Variants in INO80D observed in about 807,000 individuals in gnomAD.
INO80D encodes INO80 complex subunit D.
A neutral mutation model predicts 87.6 loss-of-function variants in INO80D; 21 were observed. The observed-to-expected ratio is 0.24, with a 90% confidence interval of 0.17 to 0.35. The LOEUF (loss-of-function observed/expected upper bound fraction) is 0.35. Ranked by LOEUF, INO80D falls within the 10% of genes least tolerant of loss-of-function variation. INO80D has a pLI of 1.00. For missense variants in INO80D, 982 were observed against 1,280.7 expected (o/e 0.77, Z 3.56); for synonymous variants, 440 against 491.0 (o/e 0.90, Z 1.37).
At chr2:206,065,040 T>G (rs1261562094) in intron 1 of INO80D, among the ~76,000 whole-genome samples, 2 of 152,074 alleles carry the variant, frequency 1.3e-5, no homozygotes, top group Non-Finnish European at 2.9e-5. Flanking sequence ...AGAATGAAAC[T>G]AGACCCCCAC....
intron 8 of INO80D, among the ~76,000 whole-genome samples, chr2:206,016,434 T>G (rs1047020538): frequency 6.6e-6 from 1 of 152,212 alleles, no homozygotes; most frequent in Non-Finnish European, 1.5e-5. Context: ...TTTTACAGGC[T>G]CATAGGCAGA....
At chr2:206,027,973 A>G (rs1382580171) in intron 6 of INO80D, 138 bp downstream of exon 6, 22 of 501,552 alleles carry the variant, frequency 4.4e-5, no homozygotes, top group South Asian at 3.4e-4. Flanking sequence ...CACTTTAATA[A>G]AGCAAGAAAA....
At chr2:206,084,456 T>C (rs1378543949) in intron 1 of INO80D, 3 of 152,184 alleles carry the variant, frequency 2.0e-5, no homozygotes, top group African/African-American at 4.8e-5. Context: ...ATCCTTAAAC[T>C]GTAGACCTTG....
intron 4 of INO80D, among the ~76,000 whole-genome samples, chr2:206,054,598 C>T (rs1222235316): frequency 2.0e-5 from 3 of 150,240 alleles, no homozygotes; most frequent in Non-Finnish European, 4.5e-5. Context: ...ACTGCAGCCT[C>T]CACCTCCCAG....
chr2:206,060,575 T>G (rs1689661670), intron 3 of INO80D, among the ~76,000 whole-genome samples: 1 of 151,864 alleles, frequency 6.6e-6, no homozygotes. Context: ...TTTTTTTTTT[T>G]TTGAGACGGA....
intron 4 of INO80D, among the ~76,000 whole-genome samples, chr2:206,053,789 C>T (rs1689436856): frequency 1.3e-5 from 2 of 151,560 alleles, no homozygotes; most frequent in African/African-American, 4.8e-5. Flanking sequence ...CTCTTGATTT[C>T]TTTTTTCCAC....
At chr2:206,007,478 C>T (rs1489006398) in intron 9 of INO80D, 37 bp from the exon 10 acceptor site, 4 of 1,571,710 alleles carry the variant, frequency 2.5e-6, no homozygotes, top group East Asian at 2.3e-5. Flanking sequence ...ATAACTCCCC[C>T]ATTATCTTCA....
Position 206,009,804 on chromosome 2 carries a change from GAATA to G in INO80D, c.1543-14_1543-11del. The G allele has an allele frequency of 6.3e-7, 1 of 1,589,042 alleles. No individual in the cohort carries two copies. Among genetic ancestry groups the G allele is most frequent in the Non-Finnish European group, 8.6e-7 (1 of 1,165,474 alleles). ...CTCTCAAGAAATTATCCTTTGGAAT[GAATA>G]AATAGGCTTTTAAATTGAGATTATC... On this transcript the variant is annotated splice_polypyrimidine_tract_variant and intron_variant, in intron 8 of 10. Coordinates refer to ENST00000403263, the MANE Select transcript of INO80D (RefSeq NM_017759.5).
chr2:206,057,558 C>T (rs1034829746), intron 3 of INO80D, among the ~76,000 whole-genome samples: 8 of 152,028 alleles, frequency 5.3e-5, no homozygotes, highest in African/African-American at 1.9e-4. Flanking sequence ...CTGCAGTAGG[C>T]GCTAAAATAA....
intron 1 of INO80D, 134 bp from the exon 2 acceptor site, chr2:206,063,378 G>T: frequency 2.7e-6 from 1 of 373,656 alleles, no homozygotes; most frequent in Non-Finnish European, 4.7e-6. Flanking sequence ...CCAATAACGA[G>T]GTTAAATAAG....
chr2:206,054,029 A>C (rs1219837918), intron 4 of INO80D, among the ~76,000 whole-genome samples: 1 of 151,988 alleles, frequency 6.6e-6, no homozygotes, highest in East Asian at 1.9e-4. Flanking sequence ...TAGTAGAGAC[A>C]GGGTTTTGCC....
intron 5 of INO80D, chr2:206,040,510 G>A (rs549248583): frequency 2.2e-4 from 48 of 218,598 alleles, no homozygotes; most frequent in Non-Finnish European, 3.9e-4. Context: ...AGCTGTCATC[G>A]TAAAGAACAT....
intron 1 of INO80D, among the ~76,000 whole-genome samples, chr2:206,073,344 T>A (rs185133454): frequency 6.6e-6 from 1 of 152,320 alleles, no homozygotes; most frequent in African/African-American, 2.4e-5. Flanking sequence ...TGGCGTTTTT[T>A]ACCCTGATTT....
Position 206,005,019 on chromosome 2 carries a change from G to C in INO80D, c.2433C>G (p.Thr811=), listed in dbSNP as rs763348378. The change falls in exon 11 of 11, where the codon ACC becomes ACG. Residue 811 remains threonine, a synonymous_variant. Coordinates refer to ENST00000403263, the MANE Select transcript of INO80D (RefSeq NM_017759.5). The part of the protein sequence containing the change: ...QLLSKADDLI[T]SRQQYSSDHS... Reference sequence around the variant, plus strand: ...GATCACTGCTGTATTGCTGTCGTGAGGTGATTAGGTCATCTGCCTTGCTCA... The same window carrying C: ...GATCACTGCTGTATTGCTGTCGTGACGTGATTAGGTCATCTGCCTTGCTCA... The C allele has an allele frequency of 1.9e-6, 3 of 1,614,018 alleles. No homozygotes were observed. Among genetic ancestry groups the C allele is most frequent in the Non-Finnish European group, 2.5e-6 (3 of 1,179,888 alleles).
chr2:206,005,068 T>C lies in INO80D; in HGVS notation c.2384A>G (p.Gln795Arg). 6.2e-7 allele frequency: 1 copy of C among 1,613,948 alleles called. No homozygotes were observed. The highest frequency in any genetic ancestry group is 8.5e-7 in the Non-Finnish European group (1 of 1,179,868). The change falls in exon 11 of 11, where the codon CAG becomes CGG. Residue 795 changes from glutamine to arginine, a missense_variant. Coordinates refer to ENST00000403263, the MANE Select transcript of INO80D (RefSeq NM_017759.5). Reference sequence around the variant, plus strand: ...CAGCAGCTGGGCAGGATGTGGCCTCTGGGAGGCATGGCTGCCGTCATGAAG... The same window carrying C: ...CAGCAGCTGGGCAGGATGTGGCCTCCGGGAGGCATGGCTGCCGTCATGAAG... ...HGLHDGSHAS[Q>R]RPHPAQLLSK...
At position 205,998,134 on chromosome 2, in the gene INO80D, T is replaced by C. The variant is rs1228825590; in HGVS notation, c.*6234A>G. On this transcript the variant is annotated 3_prime_UTR_variant, in exon 11 of 11. Coordinates refer to ENST00000403263, the MANE Select transcript of INO80D (RefSeq NM_017759.5). ...AACTGTAAATTAAAGAATAACTCCA[T>C]AGGAAATAAAAGAGGTCTTACAAAC... 3.9e-5 allele frequency: 6 copies of C among 152,154 alleles called. No individual in the cohort carries two copies. In the South Asian group the frequency reaches 6.2e-4, roughly 16 times the overall value. The allele number at this position is 152,154 out of a possible 1,614,324, so 9.4% of individuals were successfully genotyped here. A position where few individuals can be genotyped will look rare whatever the true frequency, so the allele number is the denominator to read the frequency against.
chr2:206,027,177 C>CACACAG (rs752566797), intron 6 of INO80D, among the ~76,000 whole-genome samples: 1 of 149,362 alleles, frequency 6.7e-6, no homozygotes, highest in South Asian at 2.1e-4. Context: ...CACACACACA[C>CACACAG]AGAGAAAGAC....
chr2:206,025,269 T>A (rs998041103), intron 6 of INO80D, among the ~76,000 whole-genome samples: 3 of 151,442 alleles, frequency 2.0e-5, no homozygotes, highest in Non-Finnish European at 4.4e-5. Flanking sequence ...AGCTCACGCC[T>A]GTAATCCCAG....
chr2:206,027,907 T>A (rs1354090083), intron 6 of INO80D, among the ~76,000 whole-genome samples: 1 of 152,246 alleles, frequency 6.6e-6, no homozygotes, highest in African/African-American at 2.4e-5. Flanking sequence ...AGCAAAATTT[T>A]AGTAATGGTT....
Sources: allele counts gnomAD v4.1 joint callset (sites outside exome capture counted in the v4.1 genomes callset), GRCh38; gene constraint gnomAD v4.1.1; transcripts MANE v1.5; gene names NCBI Gene and HGNC (gene_info 2026-07-23, HGNC 2026-07-21).